Variants in COL27A1 observed in about 807,000 individuals in gnomAD.
COL27A1 encodes collagen alpha-1(XXVII) chain.
In COL27A1, 106 loss-of-function variants were observed where a neutral mutation model predicts 251.3. The ratio of observed to expected loss-of-function variants is 0.42; its 90% confidence interval spans 0.36 to 0.50. COL27A1 has a LOEUF of 0.50. Ranked by LOEUF, COL27A1 falls within the 20% of genes least tolerant of loss-of-function variation. The pLI is 0.00. For missense variants in COL27A1, 2,325 were observed against 2,522.8 expected (o/e 0.92, Z 1.68); for synonymous variants, 1,000 against 986.3 (o/e 1.01, Z -0.26).
rs1209998135 is a variant in COL27A1, at chr9:114,282,558, A to G, written c.3873A>G (p.Gly1291=). ...CTAAAGGGTCCCGGGGCAGCCTGGG[A>G]CCAACGGTGAGGACTCTCTGGCTGG... is the stretch of plus-strand genomic sequence containing the variant. ...PGPKGSRGSL[G]PTGAPGRMGA... The change falls in exon 39 of 61, where the codon GGA becomes GGG. Residue 1291 remains glycine (G), a synonymous_variant. Transcript: ENST00000356083. 1 of 1,518,284 alleles carries G rather than the reference A, an allele frequency of 6.6e-7. No homozygotes were observed. The allele number at this position is 1,518,284 out of a possible 1,614,324, so 94.1% of individuals were successfully genotyped here.
chr9:114,171,727 G>A (rs898983357), intron 3 of COL27A1, among the ~76,000 whole-genome samples: 1 of 152,086 alleles, frequency 6.6e-6, no homozygotes, highest in African/African-American at 2.4e-5. Context: ...CAGCCTCCCA[G>A]AGCGCTAGAA....
At chr9:114,289,399 C>G (rs1588879456) in intron 45 of COL27A1, 104 bp downstream of exon 45, 1 of 1,194,118 alleles carries the variant, frequency 8.4e-7, no homozygotes, top group Non-Finnish European at 1.2e-6. Context: ...GGCTGCGAGG[C>G]AGGGTAGGGA....
intron 3 of COL27A1, among the ~76,000 whole-genome samples, chr9:114,172,080 T>C (rs1402663736): frequency 2.6e-5 from 4 of 152,182 alleles, no homozygotes; most frequent in African/African-American, 9.7e-5. Context: ...CATCCCTGTC[T>C]CAGGCCCCAT....
chr9:114,253,964 G>A (rs1002462080), intron 27 of COL27A1, among the ~76,000 whole-genome samples: 30 of 152,258 alleles, frequency 2.0e-4, no homozygotes, highest in African/African-American at 7.0e-4. Flanking sequence ...TCGTGCCTCA[G>A]CCTCCCTAGT....
chr9:114,258,625 G>A (rs1834110621), intron 28 of COL27A1, 31 bp downstream of exon 28: 1 of 1,609,562 alleles, frequency 6.2e-7, no homozygotes, highest in Admixed American at 1.7e-5. Flanking sequence ...GGGGGCTGAT[G>A]CTGGTGGGAG....
rs991434692 is a variant in COL27A1, at chr9:114,217,598, C to T, written c.2368-2193C>T. Among the ~76,000 whole-genome samples, 11 of 152,368 alleles carry T rather than the reference C, an allele frequency of 7.2e-5. No homozygotes were observed. In the East Asian group the frequency reaches 2.1e-3, roughly 29 times the overall value. On this transcript the variant is annotated intron_variant, in intron 12 of 60. Coordinates refer to ENST00000356083, the MANE Select transcript of COL27A1 (RefSeq NM_032888.4). ...GTGTGGGGGCCTGCCCAAGGTCAGA[C>T]AGCCAGCCTAGAGGAGAGCCAGGGC...
chr9:114,205,242 A>C (rs1829867754), intron 8 of COL27A1, 96 bp downstream of exon 8: 3 of 1,159,920 alleles, frequency 2.6e-6, no homozygotes. Context: ...TCTGTGAGCC[A>C]GCCCCAGAGC....
chr9:114,231,184 C>T (rs760844359), intron 15 of COL27A1, 52 bp downstream of exon 15: 27 of 1,539,758 alleles, frequency 1.8e-5, no homozygotes, highest in Admixed American at 8.4e-5. Flanking sequence ...TGGGCACCCC[C>T]GACCCATTTC....
intron 33 of COL27A1, 106 bp downstream of exon 33, chr9:114,266,724 C>T (rs905259202): frequency 7.8e-6 from 8 of 1,019,768 alleles, no homozygotes; most frequent in African/African-American, 1.6e-5. Flanking sequence ...CTGTCCTGGC[C>T]CAGGGAGATG....
chr9:114,209,672 TA>T lies in COL27A1; in HGVS notation c.2269-2del. The T allele has an allele frequency of 6.2e-7, 1 of 1,614,150 alleles. No homozygotes were observed. Among genetic ancestry groups the T allele is most frequent in the Non-Finnish European group, 8.5e-7 (1 of 1,179,986 alleles). ...CTCTGACCCCCTTTCTTCTCTTTCC[TA>T]GGGCTACATTGGGCTCCCAGGGCTC... is the stretch of plus-strand genomic sequence containing the variant. On this transcript the variant is annotated splice_acceptor_variant, in intron 10 of 60. Transcript: ENST00000356083. LOFTEE classifies it high-confidence loss of function.
chr9:114,209,176 C>A (rs1830177473), intron 10 of COL27A1, among the ~76,000 whole-genome samples: 2 of 152,172 alleles, frequency 1.3e-5, no homozygotes, highest in Admixed American at 6.5e-5. Context: ...GTGCCTGGCA[C>A]AATGTTGGCA....
intron 8 of COL27A1, 36 bp from the exon 9 acceptor site, chr9:114,205,723 T>C (rs552025081): frequency 1.9e-6 from 3 of 1,607,144 alleles, no homozygotes; most frequent in African/African-American, 1.3e-5. Context: ...GGGCAGGGTC[T>C]TTCTTTTCCT....
chr9:114,250,050 C>T (rs1320857895), intron 24 of COL27A1, among the ~76,000 whole-genome samples: 1 of 152,214 alleles, frequency 6.6e-6, no homozygotes, highest in African/African-American at 2.4e-5. Flanking sequence ...CAAGTTGTCA[C>T]CCAGCGGAGT....
Position 114,205,135 on chromosome 9 carries a change from C to T in COL27A1, c.2158C>T (p.Pro720Ser), listed in dbSNP as rs773987629. The change falls in exon 8 of 61, where the codon CCC becomes TCC. Residue 720 changes from proline to serine, a missense_variant. Around this residue, in one of 4 missense-constraint regions of COL27A1, gnomAD observed 1,183 missense variants for 1,144.1 expected, o/e 1.03. Coordinates refer to ENST00000356083, the MANE Select transcript of COL27A1 (RefSeq NM_032888.4). ...GGGCTATCCTGGACCGGCAGGGCAC[C>T]CCGGAGAACAGGTGAGGGCCTCAGC... ...HKGYPGPAGH[P>S]GEQGQPGPEG... 6.2e-6 allele frequency: 10 copies of T among 1,613,508 alleles called. No individual in the cohort carries two copies. The highest frequency in any genetic ancestry group is 1.3e-5 in the African/African-American group (1 of 75,044).
intron 25 of COL27A1, among the ~76,000 whole-genome samples, chr9:114,251,018 C>G (rs1302430332): frequency 6.6e-6 from 1 of 152,174 alleles, no homozygotes; most frequent in African/African-American, 2.4e-5. Flanking sequence ...GGTTGCCTTG[C>G]TAAGCCTCTG....
At chr9:114,247,129 C>A (rs897674413) in intron 24 of COL27A1, among the ~76,000 whole-genome samples, 1 of 152,050 alleles carries the variant, frequency 6.6e-6, no homozygotes, top group Non-Finnish European at 1.5e-5. Context: ...TATAGAAATG[C>A]AATTATGAAA....
chr9:114,228,890 C>T (rs1540649), intron 14 of COL27A1, among the ~76,000 whole-genome samples: 106,978 of 151,966 alleles, frequency 0.7, 38,523 homozygotes, highest in South Asian at 0.87. Context: ...GACGCTATCA[C>T]AGCTCACTGT....
chr9:114,257,088 A>G (rs1564532486), intron 27 of COL27A1, among the ~76,000 whole-genome samples: 1 of 152,080 alleles, frequency 6.6e-6, no homozygotes, highest in African/African-American at 2.4e-5. Context: ...CAGCTGTTGG[A>G]GGGTCTGCTG....
chr9:114,168,549 G>T lies in COL27A1; in HGVS notation c.994G>T (p.Ala332Ser), dbSNP rs759104028. The T allele has an allele frequency of 1.9e-6, 3 of 1,613,978 alleles. No individual in the cohort carries two copies. The highest frequency in any genetic ancestry group is 2.5e-6 in the Non-Finnish European group (3 of 1,179,926). Residue 332 changes from alanine (A) to serine (S), a missense_variant, in exon 3 of 61, where the codon GCA (alanine) becomes TCA (serine). Ala to Ser is a moderately conservative substitution (Grantham distance 99, BLOSUM62 1). This residue lies in a region of COL27A1 where 1,183 missense variants were observed against 1,144.1 expected (regional missense o/e 1.03). Transcript: ENST00000356083. ...ACCTGCCAAGCTGTCAGCCAGTAAC[G>T]CACTTGATCCCATGCTCCCAGCCTC... is the stretch of plus-strand genomic sequence containing the variant. ...LLPAKLSASN[A>S]LDPMLPASVG...
Sources: allele counts gnomAD v4.1 joint callset (sites outside exome capture counted in the v4.1 genomes callset), GRCh38; gene constraint gnomAD v4.1.1; regional missense constraint gnomAD v4.1.1; transcripts MANE v1.5; gene names NCBI Gene and HGNC (gene_info 2026-07-23, HGNC 2026-07-21).